Variants in PTPRG observed in about 807,000 individuals in gnomAD.
The protein encoded by PTPRG is receptor-type tyrosine-protein phosphatase gamma.
In PTPRG, 102 loss-of-function variants were observed where a neutral mutation model predicts 165.3. That is an observed-to-expected ratio of 0.62 (90% CI 0.53 to 0.73). PTPRG has a LOEUF of 0.73. Ranked by LOEUF, PTPRG falls within the 30% of genes least tolerant of loss-of-function variation. The pLI is 0.00. For synonymous variants in PTPRG, 675 were observed against 669.5 expected (o/e 1.01, Z -0.13); for missense variants, 1,866 against 1,861.4 (o/e 1.00, Z -0.05).
Position 62,160,801 on chromosome 3 carries a change from G to A in PTPRG, c.840+3577G>A, listed in dbSNP as rs74906424. Among the ~76,000 whole-genome samples the A allele has an allele frequency of 4.6e-5, 7 of 150,850 alleles. No homozygotes were observed. In the East Asian group the frequency reaches 1.2e-3, roughly 25 times the overall value. On this transcript the variant is annotated intron_variant, in intron 7 of 29. Transcript: ENST00000474889. Reference sequence around the variant, plus strand: ...AATTTTACTTAAGTGCTTGTAGGGGGTGCTATCAAAAAGGCAATAAATAAG... The same window carrying A: ...AATTTTACTTAAGTGCTTGTAGGGGATGCTATCAAAAAGGCAATAAATAAG...
rs571440605 is a variant in PTPRG, at chr3:61,890,193, T to G, written c.191-99432T>G. 2.0e-5 allele frequency among the ~76,000 whole-genome samples: 3 copies of G among 152,324 alleles called. No individual in the cohort carries two copies. The South Asian group carries it at 6.2e-4, about 32-fold the overall frequency. Reference sequence around the variant, plus strand: ...TCAATTATTATCCTTAAAGTATTTATTAGATGGAAAATTATCCATAGCTTA... The same window carrying G: ...TCAATTATTATCCTTAAAGTATTTAGTAGATGGAAAATTATCCATAGCTTA... On this transcript the variant is annotated intron_variant, in intron 2 of 29. Coordinates refer to ENST00000474889, the MANE Select transcript of PTPRG (RefSeq NM_002841.4).
At chr3:62,241,874 G>T (rs963202709) in intron 14 of PTPRG, among the ~76,000 whole-genome samples, 1 of 151,832 alleles carries the variant, frequency 6.6e-6, no homozygotes, top group Non-Finnish European at 1.5e-5. Flanking sequence ...ACTTATTTGG[G>T]CTATTAAGTA....
intron 2 of PTPRG, among the ~76,000 whole-genome samples, chr3:61,987,578 TCTC>T (rs2107689438): frequency 6.6e-6 from 1 of 152,316 alleles, no homozygotes; most frequent in Non-Finnish European, 1.5e-5. Flanking sequence ...ATATCATTTT[TCTC>T]TGTTGAGTGT....
intron 2 of PTPRG, among the ~76,000 whole-genome samples, chr3:61,787,208 TAAAG>T (rs1238514489): frequency 6.6e-6 from 1 of 152,228 alleles, no homozygotes; most frequent in East Asian, 1.9e-4. Flanking sequence ...AAGTGATTGA[TAAAG>T]AAGGAATTAT....
At chr3:62,090,738 G>A (rs895016634) in intron 5 of PTPRG, among the ~76,000 whole-genome samples, 3 of 152,160 alleles carry the variant, frequency 2.0e-5, no homozygotes, top group Non-Finnish European at 2.9e-5. Context: ...TTCTATGTGC[G>A]TTATCCCATT....
intron 1 of PTPRG, among the ~76,000 whole-genome samples, chr3:61,597,694 A>G (rs568322725): frequency 6.6e-6 from 1 of 152,320 alleles, no homozygotes; most frequent in South Asian, 2.1e-4. Flanking sequence ...AATCTATTAA[A>G]ATGGATAAAT....
In PTPRG at chr3:61,562,238, TC is replaced by T; in HGVS notation, c.-49del. ...GGCTCGCACGGAGGCAAGAACTTAT[TC>T]AACAAGTTTACCTCCCTGCTTTCCT... On this transcript the variant is annotated 5_prime_UTR_variant, in exon 1 of 30. Transcript: ENST00000474889. 6.5e-7 allele frequency: 1 copy of T among 1,544,126 alleles called. No homozygotes were observed. Among genetic ancestry groups the T allele is most frequent in the Non-Finnish European group, 9.0e-7 (1 of 1,116,464 alleles).
intron 4 of PTPRG, among the ~76,000 whole-genome samples, chr3:62,067,411 G>T (rs1368019300): frequency 6.6e-6 from 1 of 152,018 alleles, no homozygotes; most frequent in Non-Finnish European, 1.5e-5. Context: ...TGGCACGAGG[G>T]ACCGGTTTTG....
intron 1 of PTPRG, among the ~76,000 whole-genome samples, chr3:61,725,148 G>T (rs1397322579): frequency 6.6e-6 from 1 of 152,034 alleles, no homozygotes; most frequent in East Asian, 1.9e-4. Context: ...TAATTTTTGT[G>T]TAAGTTGTGA....
chr3:62,124,801 T>C (rs1365392156), intron 5 of PTPRG, among the ~76,000 whole-genome samples: 1 of 152,158 alleles, frequency 6.6e-6, no homozygotes, highest in Non-Finnish European at 1.5e-5. Flanking sequence ...CAAATGATCC[T>C]CCTGCCTCAG....
rs560581571 is a variant in PTPRG at position 62,116,185 on chromosome 3, C to CACTT, written c.616-16416_616-16413dup. On this transcript the variant is annotated intron_variant, in intron 5 of 29. Coordinates refer to ENST00000474889, the MANE Select transcript of PTPRG (RefSeq NM_002841.4). ...GTCTGCCCAACTCTTAAAGTCCTTG[C>CACTT]ACTTGCCTGTGAGGTTCTGCTGACT... is the stretch of plus-strand genomic sequence containing the variant. 1.6e-3 allele frequency among the ~76,000 whole-genome samples: 245 copies of CACTT among 152,202 alleles called. 2 individuals are homozygous for CACTT. The highest frequency in any genetic ancestry group is 0.014 in the Middle Eastern group (4 of 294).
chr3:61,592,498 T>G (rs902539341), intron 1 of PTPRG, among the ~76,000 whole-genome samples: 1 of 152,210 alleles, frequency 6.6e-6, no homozygotes, highest in Non-Finnish European at 1.5e-5. Flanking sequence ...AAGCTTAAAC[T>G]GTGCCAGGGT....
chr3:62,205,675 T>G (rs566271241), intron 12 of PTPRG, among the ~76,000 whole-genome samples: 1 of 152,184 alleles, frequency 6.6e-6, no homozygotes, highest in South Asian at 2.1e-4. Flanking sequence ...GGGAATTAAT[T>G]TGGATCAGTT....
intron 1 of PTPRG, among the ~76,000 whole-genome samples, chr3:61,580,332 G>T (rs866938286): frequency 9.9e-5 from 15 of 150,834 alleles, no homozygotes; most frequent in Non-Finnish European, 2.1e-4. Context: ...GACCGTGCAG[G>T]AGTCAATACC....
chr3:62,122,170 C>T (rs1703099187), intron 5 of PTPRG, among the ~76,000 whole-genome samples: 1 of 152,170 alleles, frequency 6.6e-6, no homozygotes, highest in African/African-American at 2.4e-5. Context: ...TACTGAGACC[C>T]TTAAATCAAA....
chr3:61,802,333 T>C (rs79603442), intron 2 of PTPRG, among the ~76,000 whole-genome samples: 72 of 151,978 alleles, frequency 4.7e-4, no homozygotes, highest in African/African-American at 1.7e-3. Flanking sequence ...TTTCCAGAGA[T>C]GGCAAAATAG....
At chr3:61,855,100 C>A (rs150755247) in intron 2 of PTPRG, among the ~76,000 whole-genome samples, 2 of 152,174 alleles carry the variant, frequency 1.3e-5, no homozygotes, top group African/African-American at 2.4e-5. Context: ...TGACAACAAG[C>A]CTTTCCCTTG....
intron 2 of PTPRG, among the ~76,000 whole-genome samples, chr3:61,809,944 A>G (rs994908957): frequency 1.3e-5 from 2 of 152,152 alleles, no homozygotes; most frequent in Middle Eastern, 3.2e-3. Flanking sequence ...CAGAAGTCCC[A>G]TTGCATACTT....
chr3:62,088,878 T>C (rs1461741175), intron 5 of PTPRG, among the ~76,000 whole-genome samples: 3 of 152,200 alleles, frequency 2.0e-5, no homozygotes, highest in African/African-American at 7.2e-5. Flanking sequence ...AAACGCTGGC[T>C]TATTTTAGAG....
Sources: allele counts gnomAD v4.1 joint callset (sites outside exome capture counted in the v4.1 genomes callset), GRCh38; gene constraint gnomAD v4.1.1; transcripts MANE v1.5; gene names NCBI Gene and HGNC (gene_info 2026-07-23, HGNC 2026-07-21).